C15orf40: variants seen among roughly 807,000 people sequenced by gnomAD.
C15orf40 encodes the protein chromosome 15 open reading frame 40, also known as UPF0235 protein C15orf40.
In C15orf40, 9 loss-of-function variants were observed where a neutral mutation model predicts 13.9. That is an observed-to-expected ratio of 0.65 (90% CI 0.39 to 1.13). The LOEUF is 1.13. Ranked by LOEUF, C15orf40 falls within the 50% of genes most tolerant of loss-of-function variation. The pLI, the probability that C15orf40 is intolerant of heterozygous loss-of-function variation, is 0.01. For missense variants in C15orf40, 225 were observed against 188.5 expected, an observed-to-expected ratio of 1.19 and a Z score of -1.13; for synonymous variants, 95 against 69.2, an observed-to-expected ratio of 1.37 and a Z score of -1.85.
downstream of C15orf40, chr15:82,990,856 C>T: frequency 2.0e-6 from 1 of 497,222 alleles, no homozygotes; most frequent in East Asian, 3.0e-5. Context: ...ATGGTTCTTA[C>T]TTTTTTGGTA....
At chr15:82,994,725 A>G (rs1043566692), downstream of C15orf40, 8 of 152,164 alleles carry the variant, frequency 5.3e-5, no homozygotes, top group Non-Finnish European at 7.4e-5. Flanking sequence ...TTGCATTTTA[A>G]CCAGAGACAC....
At position 82,995,781 on chromosome 15, in the gene C15orf40, T is replaced by C. The variant is rs994082029; in HGVS notation, c.*9816A>G. The stretch of plus-strand genomic sequence containing the variant: ...GCCTGGGTGACCGAGCGAGACTCCG[T>C]CTCAAAAACAAACAGGCAACAAAAA... On this transcript the variant is annotated 3_prime_UTR_variant, in exon 4 of 4. Transcript: ENST00000304177. 1 of 152,496 alleles carries C rather than the reference T, an allele frequency of 6.6e-6. No individual in the cohort carries two copies. Among genetic ancestry groups the C allele is most frequent in the Non-Finnish European group, 1.5e-5 (1 of 68,288 alleles). The allele number at this position is 152,496 out of a possible 1,614,324, so 9.4% of individuals were successfully genotyped here. A position where few individuals can be genotyped will look rare whatever the true frequency, so the allele number is the denominator to read the frequency against.
Position 83,011,628 on chromosome 15 carries a change from G to A in C15orf40, c.-21C>T. On this transcript the variant is annotated 5_prime_UTR_variant, in exon 1 of 4. Coordinates refer to ENST00000304177, the MANE Select transcript of C15orf40 (RefSeq NM_144597.3). The stretch of plus-strand genomic sequence containing the variant: ...AGCATCCCCGCCTGGGAAGGCGCCG[G>A]AAGAGCCCTCTGCGCTTGCGCAGGT... The A allele has an allele frequency of 2.6e-6, 4 of 1,549,862 alleles. No homozygotes were observed. The highest frequency in any genetic ancestry group is 3.5e-6 in the Non-Finnish European group (4 of 1,152,354).
In C15orf40 at chr15:83,000,289, T is replaced by G. The variant is rs550463189; in HGVS notation, c.*5308A>C. 6.6e-6 allele frequency: 1 copy of G among 152,364 alleles called. No homozygotes were observed. The highest frequency in any genetic ancestry group is 2.1e-4 in the South Asian group (1 of 4,828). 9.4% of individuals were successfully genotyped at this position (152,364 alleles called of 1,614,324 possible). A position where few individuals can be genotyped will look rare whatever the true frequency, so the allele number is the denominator to read the frequency against. On this transcript the variant is annotated 3_prime_UTR_variant, in exon 4 of 4. Transcript: ENST00000304177. ...TTAGCTCCTTGCCAATTGCCCAGCC[T>G]AGATCCATTTTCAGAAACACTGGCT... is the stretch of plus-strand genomic sequence containing the variant.
Position 82,997,244 on chromosome 15 carries a change from T to C in C15orf40, c.*8353A>G, listed in dbSNP as rs1242532749. 1 of 149,702 alleles carries C rather than the reference T, an allele frequency of 6.7e-6. No individual in the cohort carries two copies. Among genetic ancestry groups the C allele is most frequent in the Non-Finnish European group, 1.5e-5 (1 of 67,634 alleles). The allele number at this position is 149,702 out of a possible 1,614,324, so 9.3% of individuals were successfully genotyped here. Reference sequence around the variant, plus strand: ...TATTTTTTTTTAATTTATTTTTTTATTGATAATTCTTGGGTGTTTCTCACA... The same window carrying C: ...TATTTTTTTTTAATTTATTTTTTTACTGATAATTCTTGGGTGTTTCTCACA... On this transcript the variant is annotated 3_prime_UTR_variant, in exon 4 of 4. Coordinates refer to ENST00000304177, the MANE Select transcript of C15orf40 (RefSeq NM_144597.3).
rs4842859 is a variant in C15orf40, at chr15:82,999,711, T to C, written c.*5886A>G. ...GGGAAACCTAAGGCTTTGAAACAGT[T>C]TGAACGTCACTGCGATAGTAAAAAC... On this transcript the variant is annotated 3_prime_UTR_variant, in exon 4 of 4. Coordinates refer to ENST00000304177, the MANE Select transcript of C15orf40 (RefSeq NM_144597.3). 0.23 allele frequency: 34,411 copies of C among 152,004 alleles called. 4,324 individuals carry two copies. Among genetic ancestry groups the C allele is most frequent in the East Asian group, 0.58 (2,972 of 5,158 alleles). 9.4% of individuals were successfully genotyped at this position (152,004 alleles called of 1,614,324 possible). A position where few individuals can be genotyped will look rare whatever the true frequency, so the allele number is the denominator to read the frequency against.
Position 83,006,676 on chromosome 15 carries a change from G to C in C15orf40, c.367-984C>G, listed in dbSNP as rs138117909. ...CTGAAGCAGGAGAATCACTTGAACC[G>C]GGGAGGGGCGGGGCGCGGGGCGGAT... On this transcript the variant is annotated intron_variant, in intron 3 of 3. Coordinates refer to ENST00000304177, the MANE Select transcript of C15orf40 (RefSeq NM_144597.3). Among the ~76,000 whole-genome samples, 16 of 152,230 alleles carry C rather than the reference G, an allele frequency of 1.1e-4. 1 individual carries two copies. Among genetic ancestry groups the C allele is most frequent in the African/African-American group, 3.6e-4 (15 of 41,546 alleles).
Position 83,002,637 on chromosome 15 carries a change from A to C in C15orf40, c.*2960T>G, listed in dbSNP as rs1270891439. The C allele has an allele frequency of 6.6e-6, 1 of 152,242 alleles. No homozygotes were observed. The highest frequency in any genetic ancestry group is 1.9e-4 in the East Asian group (1 of 5,188). The allele number at this position is 152,242 out of a possible 1,614,324, so 9.4% of individuals were successfully genotyped here. A position where few individuals can be genotyped will look rare whatever the true frequency, so the allele number is the denominator to read the frequency against. On this transcript the variant is annotated 3_prime_UTR_variant, in exon 4 of 4. Transcript: ENST00000304177. ...GGCTGATACAAGGGAAGGCTGACTG[A>C]AAGCTTCTGGAAAATACCAGAGCTC...
downstream of C15orf40, among the ~76,000 whole-genome samples, chr15:82,991,555 C>T (rs913976666): frequency 2.8e-4 from 42 of 151,858 alleles, no homozygotes; most frequent in Admixed American, 9.2e-4. Context: ...ATAAAAAAAA[C>T]GGGGGCATCT....
At chr15:82,992,143 G>A (rs938137945), downstream of C15orf40, 48 of 368,482 alleles carry the variant, frequency 1.3e-4, no homozygotes, top group Non-Finnish European at 4.2e-5. Flanking sequence ...TTGAGTCCGG[G>A]AAGAGTTCAA....
At chr15:82,989,316 G>A (rs2030758911), downstream of C15orf40, 1 of 695,920 alleles carries the variant, frequency 1.4e-6, no homozygotes, top group Non-Finnish European at 2.2e-6. Context: ...CCTAATAACA[G>A]TACCTGGTAC....
intron 1 of C15orf40, chr15:83,011,060 T>G: frequency 6.3e-6 from 1 of 159,358 alleles, no homozygotes. Context: ...CGGACTGGGG[T>G]TGGCCAAACA....
At chr15:83,009,751 G>A (rs556374082) in intron 2 of C15orf40, among the ~76,000 whole-genome samples, 1 of 152,260 alleles carries the variant, frequency 6.6e-6, no homozygotes, top group African/African-American at 2.4e-5. Context: ...TTAGTCCAAC[G>A]ATCTCATCTG....
At position 83,008,392 on chromosome 15, in the gene C15orf40, G is replaced by A. The variant is rs142246703; in HGVS notation, c.366+156C>T. The A allele has an allele frequency of 2.5e-4, 164 of 662,454 alleles. No individual in the cohort carries two copies. The Admixed American group carries it at 2.9e-3, about 12-fold the overall frequency. 41.0% of individuals were successfully genotyped at this position (662,454 alleles called of 1,614,324 possible). On this transcript the variant is annotated intron_variant, in intron 3 of 3. Transcript: ENST00000304177. Reference sequence around the variant, plus strand: ...AAATTAGCCAGGCATGGTGGCATGCGCCTATAATCCCAGCTACTCAGGAAG... The same window carrying A: ...AAATTAGCCAGGCATGGTGGCATGCACCTATAATCCCAGCTACTCAGGAAG...
Position 82,999,410 on chromosome 15 carries a change from G to A in C15orf40, c.*6187C>T, listed in dbSNP as rs987475556. On this transcript the variant is annotated 3_prime_UTR_variant, in exon 4 of 4. Transcript: ENST00000304177. ...GGGGTCTTACCACGTCGCCCAAGCT[G>A]GTCTCAAACTCCTGGCCACAAACTA... is the stretch of plus-strand genomic sequence containing the variant. 6.6e-6 allele frequency: 1 copy of A among 151,974 alleles called. No individual in the cohort carries two copies. Among genetic ancestry groups the A allele is most frequent in the Non-Finnish European group, 1.5e-5 (1 of 68,016 alleles). The allele number at this position is 151,974 out of a possible 1,614,324, so 9.4% of individuals were successfully genotyped here.
chr15:83,000,772 C>A lies in C15orf40; in HGVS notation c.*4825G>T, dbSNP rs530626279. ...GAATCTAGGAGGGGGATGCTGACAG[C>A]CCACAGCCCAGAGAGCTGCCTCCTA... On this transcript the variant is annotated 3_prime_UTR_variant, in exon 4 of 4. Transcript: ENST00000304177. 6.6e-6 allele frequency: 1 copy of A among 152,344 alleles called. No individual in the cohort carries two copies. The highest frequency in any genetic ancestry group is 2.1e-4 in the South Asian group (1 of 4,834). The allele number at this position is 152,344 out of a possible 1,614,324, so 9.4% of individuals were successfully genotyped here.
chr15:83,010,570 T>C, intron 1 of C15orf40: 1 of 525,122 alleles, frequency 1.9e-6, no homozygotes, highest in Non-Finnish European at 3.4e-6. Context: ...AACCCAACAG[T>C]GTTTTTTCCC....
Position 83,001,160 on chromosome 15 carries a change from C to A in C15orf40, c.*4437G>T. ...ACCTTCATCCTCTGGTTATTGCTGT[C>A]CCTCCCCTAACCGAGAGGAAAGTGT... On this transcript the variant is annotated 3_prime_UTR_variant, in exon 4 of 4. Transcript: ENST00000304177. 3.0e-6 allele frequency: 3 copies of A among 985,478 alleles called. No individual in the cohort carries two copies. The highest frequency in any genetic ancestry group is 3.6e-6 in the Non-Finnish European group (3 of 829,970). 61.0% of individuals were successfully genotyped at this position (985,478 alleles called of 1,614,324 possible).
In C15orf40 at chr15:82,999,791, G is replaced by A. The variant is rs975417629; in HGVS notation, c.*5806C>T. On this transcript the variant is annotated 3_prime_UTR_variant, in exon 4 of 4. Transcript: ENST00000304177. ...ACCAGGGAGTACGTAACTTGTGGCT[G>A]CAAAGTTTGGGGATTCTTCCCTCCC... is the stretch of plus-strand genomic sequence containing the variant. 6.6e-6 allele frequency: 1 copy of A among 152,164 alleles called. No homozygotes were observed. The allele number at this position is 152,164 out of a possible 1,614,324, so 9.4% of individuals were successfully genotyped here. A position where few individuals can be genotyped will look rare whatever the true frequency, so the allele number is the denominator to read the frequency against.
Sources: allele counts gnomAD v4.1 joint callset (sites outside exome capture counted in the v4.1 genomes callset), GRCh38; gene constraint gnomAD v4.1.1; transcripts MANE v1.5; gene names NCBI Gene and HGNC (gene_info 2026-07-23, HGNC 2026-07-21).